TMC7: variants seen among roughly 807,000 people sequenced by gnomAD.
TMC7 encodes the protein transmembrane channel like 7, also known as transmembrane channel-like protein 7.
TMC7 carries 54 observed loss-of-function variants against 82.9 expected under a neutral mutation model. The observed-to-expected ratio is 0.65, with a 90% CI of 0.52 to 0.82. The LOEUF (loss-of-function observed/expected upper bound fraction) is 0.82, where lower values mean the gene tolerates loss of function less well. Among genes scored for constraint, TMC7 ranks in the 40% least tolerant of loss-of-function variants. TMC7 has a pLI of 0.00. For missense variants in TMC7, 820 were observed against 901.2 expected (o/e 0.91, Z 1.15); for synonymous variants, 350 against 337.9 (o/e 1.04, Z -0.39).
rs1483605769 is a variant in TMC7 at position 19,062,174 on chromosome 16, C to G, written c.*331C>G. On this transcript the variant is annotated 3_prime_UTR_variant, in exon 16 of 16. Transcript: ENST00000304381. ...TATTTGAGCCACGAGTTTATGTGCA[C>G]AAGTGTTTTGGGTTGTGGACTGAAG... 1 of 241,770 alleles carries G rather than the reference C, an allele frequency of 4.1e-6. No individual in the cohort carries two copies. Among genetic ancestry groups the G allele is most frequent in the African/African-American group, 2.2e-5 (1 of 44,820 alleles). 15.0% of individuals were successfully genotyped at this position (241,770 alleles called of 1,614,324 possible).
intron 12 of TMC7, among the ~76,000 whole-genome samples, chr16:19,048,995 C>T (rs1486979488): frequency 6.6e-6 from 1 of 152,154 alleles, no homozygotes; most frequent in Non-Finnish European, 1.5e-5. Flanking sequence ...GCACTGATTA[C>T]ACCCACCCTT....
chr16:19,043,533 GAA>G (rs1228791079), intron 9 of TMC7, among the ~76,000 whole-genome samples: 1 of 151,988 alleles, frequency 6.6e-6, no homozygotes, highest in Non-Finnish European at 1.5e-5. Context: ...AGCCCCAACA[GAA>G]ATTCTGTACC....
rs1392628009 is a variant in TMC7, at chr16:19,063,311, G to A, written c.*1468G>A. 2 of 152,178 alleles carry A rather than the reference G, an allele frequency of 1.3e-5. No homozygotes were observed. The highest frequency in any genetic ancestry group is 4.8e-5 in the African/African-American group (2 of 41,438). The allele number at this position is 152,178 out of a possible 1,614,324, so 9.4% of individuals were successfully genotyped here. Reference sequence around the variant, plus strand: ...CTCATGCCTGCAATCCCAGAACTTTGGGAGTCCAAGGAGGGCAGATCACCT... The same window carrying A: ...CTCATGCCTGCAATCCCAGAACTTTAGGAGTCCAAGGAGGGCAGATCACCT... On this transcript the variant is annotated 3_prime_UTR_variant, in exon 16 of 16. Transcript: ENST00000304381.
chr16:19,036,029 G>A (rs1960731537), intron 7 of TMC7, among the ~76,000 whole-genome samples: 1 of 152,156 alleles, frequency 6.6e-6, no homozygotes. Flanking sequence ...AGGAGCACTG[G>A]TGAACTGGGA....
chr16:19,023,244 T>C (rs770482206), intron 5 of TMC7, 49 bp downstream of exon 5: 4 of 1,283,962 alleles, frequency 3.1e-6, no homozygotes, highest in Non-Finnish European at 1.1e-6. Context: ...CTACTAAAAA[T>C]TGATTGATTT....
Position 19,037,937 on chromosome 16 carries a change from C to A in TMC7, c.1069C>A (p.Arg357Ser), listed in dbSNP as rs755192654. ...IAERTSEETI[R>S]IYSLRLFLNC... ...AGAAAGGACCTCAGAAGAAACAATA[C>A]GCATTTACTCTTTGAGACTGTTTTT... Residue 357 changes from arginine to serine, a missense_variant, in exon 8 of 16, where the codon CGC becomes AGC. Arg to Ser is a moderately radical substitution (Grantham distance 110, BLOSUM62 -1). Coordinates refer to ENST00000304381, the MANE Select transcript of TMC7 (RefSeq NM_024847.4). 2 of 1,613,926 alleles carry A rather than the reference C, an allele frequency of 1.2e-6. No homozygotes were observed. Among genetic ancestry groups the A allele is most frequent in the African/African-American group, 1.3e-5 (1 of 75,028 alleles).
chr16:19,015,248 G>A (rs1181696849), intron 2 of TMC7, among the ~76,000 whole-genome samples: 1 of 151,434 alleles, frequency 6.6e-6, no homozygotes, highest in Non-Finnish European at 1.5e-5. Context: ...ACAAGTGTGA[G>A]CCACTGTGCC....
intron 6 of TMC7, 140 bp from the exon 7 acceptor site, chr16:19,035,536 G>T (rs1433840960): frequency 7.7e-6 from 7 of 903,594 alleles, no homozygotes; most frequent in Non-Finnish European, 1.2e-5. Flanking sequence ...CATATATTTA[G>T]AATGGCCCCA....
At position 19,037,896 on chromosome 16, in the gene TMC7, T is replaced by C. The variant is rs745668643; in HGVS notation, c.1028T>C (p.Met343Thr). 1.9e-6 allele frequency: 3 copies of C among 1,613,226 alleles called. No homozygotes were observed. The highest frequency in any genetic ancestry group is 1.1e-5 in the South Asian group (1 of 90,778). The change falls in exon 8 of 16, where the codon ATG becomes ACG. Residue 343 changes from methionine to threonine, a missense_variant. By Grantham distance (81) the Met-to-Thr change is moderately conservative. Around this residue, in one of 2 missense-constraint regions of TMC7, gnomAD observed 650 missense variants for 669.9 expected, o/e 0.97. Transcript: ENST00000304381. ...ELRADLEEER[M>T]RQKIAERTSE... ...CAGGCAGATCTGGAGGAAGAAAGAA[T>C]GCGGCAGAAAATAGCAGAAAGGACC...
chr16:19,039,747 C>T (rs775588935), intron 8 of TMC7, among the ~76,000 whole-genome samples: 9 of 152,148 alleles, frequency 5.9e-5, no homozygotes, highest in Admixed American at 3.3e-4. Context: ...TCTTCTTATA[C>T]ATCCCTTTAA....
intron 13 of TMC7, among the ~76,000 whole-genome samples, chr16:19,054,451 C>T (rs1326344039): frequency 1.3e-5 from 2 of 152,054 alleles, no homozygotes; most frequent in African/African-American, 4.8e-5. Context: ...CGCGGTGGCT[C>T]ACTCCTGTAA....
rs770744608 is a variant in TMC7 at position 19,044,868 on chromosome 16, CCTT to C, written c.1338-13_1338-11del. On this transcript the variant is annotated splice_polypyrimidine_tract_variant and intron_variant, in intron 9 of 15. Coordinates refer to ENST00000304381, the MANE Select transcript of TMC7 (RefSeq NM_024847.4). ...AGGGCCTCATCTTCCCATCCTCTCT[CCTT>C]CTCTCCCCGAAGGTGTGTCTTTATG... The C allele has an allele frequency of 2.3e-5, 37 of 1,607,672 alleles. No individual in the cohort carries two copies. The highest frequency in any genetic ancestry group is 3.1e-5 in the Non-Finnish European group (37 of 1,174,748).
At chr16:19,003,160 G>A (rs1223848437) in intron 1 of TMC7, among the ~76,000 whole-genome samples, 2 of 152,102 alleles carry the variant, frequency 1.3e-5, no homozygotes, top group East Asian at 1.9e-4. Context: ...GCAAGACCCC[G>A]TCTCTACTAA....
rs191928067 is a variant in TMC7 at position 19,030,164 on chromosome 16, T to C, written c.712-60T>C. The stretch of plus-strand genomic sequence containing the variant: ...TTGTGTTCCTTGAGGCAGGGACTAC[T>C]CTTCTGGTTCCCTGCAGTAAGCTGA... On this transcript the variant is annotated intron_variant, in intron 5 of 15. Coordinates refer to ENST00000304381, the MANE Select transcript of TMC7 (RefSeq NM_024847.4). 48 of 1,545,322 alleles carry C rather than the reference T, an allele frequency of 3.1e-5. No homozygotes were observed. The Admixed American group carries it at 9.3e-4, about 30-fold the overall frequency.
chr16:19,004,105 G>T (rs533243629), intron 1 of TMC7, among the ~76,000 whole-genome samples: 1 of 151,950 alleles, frequency 6.6e-6, no homozygotes, highest in Non-Finnish European at 1.5e-5. Flanking sequence ...GCAGGTTGGC[G>T]TGAGAAATGA....
chr16:18,990,720 C>G (rs139717057), intron 1 of TMC7, among the ~76,000 whole-genome samples: 3 of 152,138 alleles, frequency 2.0e-5, no homozygotes, highest in African/African-American at 7.2e-5. Context: ...GTGGATCTCA[C>G]AAAGTACATT....
chr16:18,998,398 C>G (rs535533414), intron 1 of TMC7, among the ~76,000 whole-genome samples: 1 of 152,146 alleles, frequency 6.6e-6, no homozygotes, highest in African/African-American at 2.4e-5. Context: ...GCCACCTTCT[C>G]GGACAGACAG....
intron 15 of TMC7, chr16:19,059,758 C>G: frequency 3.0e-6 from 4 of 1,322,124 alleles, no homozygotes; most frequent in East Asian, 5.1e-5. Flanking sequence ...AGGCAGATTA[C>G]TTGAGCTCAG....
intron 9 of TMC7, among the ~76,000 whole-genome samples, chr16:19,043,384 T>C (rs1011774885): frequency 1.3e-5 from 2 of 152,068 alleles, no homozygotes; most frequent in African/African-American, 4.8e-5. Context: ...TTTCTGATCT[T>C]TTAAAAAAAT....
Sources: gnomAD v4.1 joint callset for allele counts (sites outside exome capture counted in the v4.1 genomes callset) on GRCh38, gnomAD v4.1.1 for gene constraint, gnomAD v4.1.1 regional missense constraint, MANE v1.5 for transcripts, NCBI Gene and HGNC (gene_info 2026-07-23, HGNC 2026-07-21) for gene names.